The following FOXP2 variants were observed in gnomAD, a reference collection of about 807,000 sequenced individuals.
FOXP2 encodes the protein forkhead box P2.
FOXP2 carries 12 observed loss-of-function variants against 115.8 expected under a neutral mutation model. The observed-to-expected ratio is 0.10, with a 90% CI of 0.07 to 0.17. The LOEUF (loss-of-function observed/expected upper bound fraction) is 0.17, where lower values mean the gene tolerates loss of function less well. FOXP2 is among the 10% of genes least tolerant of loss of function. The pLI, the probability that FOXP2 is intolerant of heterozygous loss-of-function variation, is 1.00. For missense variants in FOXP2, 629 were observed against 843.5 expected, an observed-to-expected ratio of 0.75 and a Z score of 3.15; for synonymous variants, 328 against 297.7, an observed-to-expected ratio of 1.10 and a Z score of -1.05.
intron 1 of FOXP2, among the ~76,000 whole-genome samples, chr7:114,136,790 A>G (rs1209246665): frequency 2.0e-5 from 3 of 151,982 alleles, no homozygotes; most frequent in African/African-American, 4.8e-5. Context: ...CTTTATTACT[A>G]CAGGAGAAGC....
intron 1 of FOXP2, among the ~76,000 whole-genome samples, chr7:114,111,819 C>T (rs1399935616): frequency 6.6e-6 from 1 of 152,018 alleles, no homozygotes; most frequent in East Asian, 1.9e-4. Flanking sequence ...CGAAAAACTT[C>T]ACTTATCCAT....
intron 3 of FOXP2, among the ~76,000 whole-genome samples, chr7:114,586,367 G>C (rs1298025521): frequency 6.6e-6 from 1 of 151,996 alleles, no homozygotes; most frequent in Non-Finnish European, 1.5e-5. Flanking sequence ...GATGTAGGAA[G>C]GATAAAATAT....
chr7:114,622,004 G>A lies in FOXP2; in HGVS notation c.259-6536G>A, dbSNP rs10260014. Among the ~76,000 whole-genome samples the A allele has an allele frequency of 5.0e-3, 754 of 152,040 alleles. 6 individuals are homozygous for A. The highest frequency in any genetic ancestry group is 0.017 in the African/African-American group (703 of 41,522). ...CTTTGCAATGGCATGACTGACTGAA[G>A]AATCACAACCAAAGGGTATAGTAAA... is the stretch of plus-strand genomic sequence containing the variant. On this transcript the variant is annotated intron_variant, in intron 3 of 16. Coordinates refer to ENST00000350908, the MANE Select transcript of FOXP2 (RefSeq NM_014491.4).
chr7:114,306,746 GT>G (rs573711357), intron 2 of FOXP2, among the ~76,000 whole-genome samples: 5 of 151,134 alleles, frequency 3.3e-5, no homozygotes, highest in Admixed American at 2.0e-4. Context: ...GGAAGACCAT[GT>G]TTTTTTTTCT....
chr7:114,209,044 A>G (rs1327316364), intron 1 of FOXP2, among the ~76,000 whole-genome samples: 1 of 152,188 alleles, frequency 6.6e-6, no homozygotes, highest in Non-Finnish European at 1.5e-5. Flanking sequence ...CTCAAATATC[A>G]TCTTGAATTG....
chr7:114,544,346 T>G (rs976119726), intron 3 of FOXP2, among the ~76,000 whole-genome samples: 8 of 151,022 alleles, frequency 5.3e-5, no homozygotes, highest in African/African-American at 1.7e-4. Flanking sequence ...TCTGTCTAAA[T>G]CCAGTTAAAG....
rs1405761389 is a variant in FOXP2, at chr7:114,693,239, G to C, written c.*3313G>C. On this transcript the variant is annotated 3_prime_UTR_variant, in exon 17 of 17. Coordinates refer to ENST00000350908, the MANE Select transcript of FOXP2 (RefSeq NM_014491.4). ...TAGATAACTCAGATATGGAGAAAAT[G>C]TCATCAGCATTCTGTGTCTACAGCT... 1 of 449,518 alleles carries C rather than the reference G, an allele frequency of 2.2e-6. No individual in the cohort carries two copies. Among genetic ancestry groups the C allele is most frequent in the East Asian group, 7.0e-5 (1 of 14,342 alleles). 27.8% of individuals were successfully genotyped at this position (449,518 alleles called of 1,614,324 possible).
intron 2 of FOXP2, among the ~76,000 whole-genome samples, chr7:114,488,798 T>A (rs1796908273): frequency 6.6e-6 from 1 of 152,224 alleles, no homozygotes; most frequent in African/African-American, 2.4e-5. Flanking sequence ...AAATGCTGTG[T>A]GTTCATTGAA....
chr7:114,612,391 A>ACG (rs777503130), intron 3 of FOXP2, among the ~76,000 whole-genome samples: 17,207 of 151,164 alleles, frequency 0.11, 1,203 homozygotes, highest in Middle Eastern at 0.18. Flanking sequence ...ACACACATAT[A>ACG]TGTATATATG....
intron 3 of FOXP2, among the ~76,000 whole-genome samples, chr7:114,611,308 G>A (rs1165550706): frequency 6.6e-6 from 1 of 152,090 alleles, no homozygotes; most frequent in Non-Finnish European, 1.5e-5. Flanking sequence ...TTTCACTTTA[G>A]TATTTAAAGG....
chr7:114,681,815 G>A (rs1370452282), intron 16 of FOXP2, among the ~76,000 whole-genome samples: 7 of 152,146 alleles, frequency 4.6e-5, no homozygotes, highest in East Asian at 1.9e-4. Flanking sequence ...CTAATGCCAG[G>A]CATCTGATAT....
chr7:114,394,421 A>AC (rs1222904677), intron 2 of FOXP2, among the ~76,000 whole-genome samples: 2 of 151,624 alleles, frequency 1.3e-5, no homozygotes, highest in African/African-American at 4.8e-5. Context: ...ACACACACAC[A>AC]AGCAAACACC....
intron 2 of FOXP2, chr7:114,297,145 G>A (rs937202962): frequency 1.6e-5 from 8 of 484,884 alleles, no homozygotes; most frequent in African/African-American, 4.0e-5. Flanking sequence ...TCCTCATGGC[G>A]CCCAGAACGT....
rs1285870612 is a variant in FOXP2, at chr7:114,304,351, A to ATTCATTTTTATCC, written c.-11+16254_-11+16266dup. ...AAATGTGTTAATAAAAAATTATATC[A>ATTCATTTTTATCC]TTCATTTTTATCCTTCATTTTTATA... On this transcript the variant is annotated intron_variant, in intron 2 of 17. Transcript: ENST00000634411. Among the ~76,000 whole-genome samples the ATTCATTTTTATCC allele has an allele frequency of 1.1e-3, 163 of 152,102 alleles. 1 individual carries two copies. The highest frequency in any genetic ancestry group is 1.2e-3 in the Non-Finnish European group (80 of 67,970).
Position 114,578,310 on chromosome 7 carries a change from T to G in FOXP2, c.258+43604T>G, listed in dbSNP as rs182112242. ...GAAGGGTTGCGCCCTGTTACTACAT[T>G]GCCAGATTGCCAAAATTCAAAGGAA... On this transcript the variant is annotated intron_variant, in intron 3 of 16. Coordinates refer to ENST00000350908, the MANE Select transcript of FOXP2 (RefSeq NM_014491.4). Among the ~76,000 whole-genome samples the G allele has an allele frequency of 1.2e-4, 18 of 152,134 alleles. No individual in the cohort carries two copies. In the East Asian group the frequency reaches 2.9e-3, roughly 25 times the overall value.
rs1805596565 is a variant in FOXP2 at position 114,642,591 on chromosome 7, ACAGTC to A, written c.958_962del (p.Gln320PhefsTer13). 1.2e-6 allele frequency: 2 copies of A among 1,613,622 alleles called. No individual in the cohort carries two copies. Among genetic ancestry groups the A allele is most frequent in the African/African-American group, 2.7e-5 (2 of 74,798 alleles). On this transcript the variant is annotated frameshift_variant, in exon 7 of 17. Transcript: ENST00000350908. LOFTEE classifies it high-confidence loss of function. ...TAACTCATCATTCCATAGTGAATGG[ACAGTC>A]TTCAGTTCTAAGTGCAAGACGAGAC...
At chr7:114,185,578 A>C (rs1490428951) in intron 1 of FOXP2, among the ~76,000 whole-genome samples, 1 of 152,164 alleles carries the variant, frequency 6.6e-6, no homozygotes, top group Non-Finnish European at 1.5e-5. Context: ...CACAGAGTGA[A>C]ATGTCCATGT....
chr7:114,460,438 C>A (rs1362234204), intron 2 of FOXP2, among the ~76,000 whole-genome samples: 1 of 152,144 alleles, frequency 6.6e-6, no homozygotes, highest in African/African-American at 2.4e-5. Flanking sequence ...TGCACATTTT[C>A]TTTTTCTAGT....
intron 6 of FOXP2, among the ~76,000 whole-genome samples, chr7:114,636,547 C>T (rs936866681): frequency 6.6e-6 from 1 of 150,544 alleles, no homozygotes; most frequent in Non-Finnish European, 1.5e-5. Flanking sequence ...TACTTTGCAT[C>T]ATAATATATA....
Sources: gnomAD v4.1 joint callset for allele counts (sites outside exome capture counted in the v4.1 genomes callset) on GRCh38, gnomAD v4.1.1 for gene constraint, MANE v1.5 for transcripts, NCBI Gene and HGNC (gene_info 2026-07-23, HGNC 2026-07-21) for gene names.